Variants in JAG1 observed in about 807,000 individuals in gnomAD.
JAG1 encodes the protein protein jagged-1.
In JAG1, 23 loss-of-function variants were observed where a neutral mutation model predicts 148.7. That is an observed-to-expected ratio of 0.15 (90% CI 0.11 to 0.22). JAG1 has a LOEUF of 0.22. JAG1 is among the 10% of genes least tolerant of loss of function. The pLI is 1.00. For synonymous variants in JAG1, 572 were observed against 598.3 expected, an observed-to-expected ratio of 0.96 and a Z score of 0.64; for missense variants, 1,054 against 1,611.2, an observed-to-expected ratio of 0.65 and a Z score of 5.92.
At chr20:10,662,158 C>T (rs1322255930) in intron 3 of JAG1, 1 of 152,190 alleles carries the variant, frequency 6.6e-6, no homozygotes, top group Non-Finnish European at 1.5e-5. Context: ...GTTTTGATAA[C>T]CTGCAATGGG....
At position 10,673,963 on chromosome 20, in the gene JAG1, C is replaced by G. The variant is rs73611723; in HGVS notation, c.-433G>C. The G allele has an allele frequency of 6.6e-6, 1 of 152,112 alleles. No homozygotes were observed. The highest frequency in any genetic ancestry group is 2.4e-5 in the African/African-American group (1 of 41,396). 9.4% of individuals were successfully genotyped at this position (152,112 alleles called of 1,614,324 possible). A position where few individuals can be genotyped will look rare whatever the true frequency, so the allele number is the denominator to read the frequency against. ...CGCAGGTAACACAATGACGCGTGCCCGCCCGGCTCTCGGAGAAGGACCCGG... is the reference window on the plus strand; with the variant it reads ...CGCAGGTAACACAATGACGCGTGCCGGCCCGGCTCTCGGAGAAGGACCCGG... On this transcript the variant is annotated 5_prime_UTR_variant, in exon 1 of 26. Transcript: ENST00000254958. The surrounding 1 kb of genome is among the most constrained non-coding windows in gnomAD (Gnocchi z 4.7).
rs2122633554 is a variant in JAG1, at chr20:10,664,822, T to C, written c.388-808A>G. On this transcript the variant is annotated intron_variant, in intron 2 of 25. Transcript: ENST00000254958. ...CCCTGGATACTGGCAAGATGCCAGC[T>C]GTTAAACTGAAGGCACCTTTTATCT... 2.0e-5 allele frequency among the ~76,000 whole-genome samples: 3 copies of C among 152,366 alleles called. No homozygotes were observed. The Middle Eastern group carries it at 0.01, about 518-fold the overall frequency.
At chr20:10,650,554 C>G in intron 8 of JAG1, 194 bp from the exon 9 acceptor site, 1 of 582,038 alleles carries the variant, frequency 1.7e-6, no homozygotes, top group Non-Finnish European at 3.1e-6. Flanking sequence ...TCCCCCACTG[C>G]CCCAGTTCAT....
intron 3 of JAG1, chr20:10,662,105 A>G (rs957690228): frequency 2.6e-5 from 4 of 152,240 alleles, no homozygotes; most frequent in African/African-American, 9.6e-5. Context: ...TGGAGAAACC[A>G]TTTCCACCAA....
chr20:10,645,603 C>T lies in JAG1; in HGVS notation c.2000-134G>A, dbSNP rs762579356. On this transcript the variant is annotated intron_variant, in intron 15 of 25. Transcript: ENST00000254958. The surrounding 1 kb of genome is among the most constrained non-coding windows in gnomAD (Gnocchi z 6.1). ...CAGCCACAGTCGTAGTACTTTAACACAATCAGGCTTTTCCAGGAATAAAGG... is the reference window on the plus strand; with the variant it reads ...CAGCCACAGTCGTAGTACTTTAACATAATCAGGCTTTTCCAGGAATAAAGG... The T allele has an allele frequency of 6.8e-5, 52 of 770,058 alleles. No homozygotes were observed. The Admixed American group carries it at 1.0e-3, about 15-fold the overall frequency. 47.7% of individuals were successfully genotyped at this position (770,058 alleles called of 1,614,324 possible). A position where few individuals can be genotyped will look rare whatever the true frequency, so the allele number is the denominator to read the frequency against.
chr20:10,645,145 A>G lies in JAG1; in HGVS notation c.2225T>C (p.Ile742Thr). Residue 742 changes from isoleucine (I) to threonine (T), a missense_variant and splice_region_variant, in exon 17 of 26, where the codon ATA (isoleucine) becomes ACA (threonine). Physicochemically the swap from Ile to Thr is moderately conservative, Grantham distance 89 (BLOSUM62 -1). Coordinates refer to ENST00000254958, the MANE Select transcript of JAG1 (RefSeq NM_000214.3). The surrounding 1 kb of genome is among the most constrained non-coding windows in gnomAD (Gnocchi z 6.1). The stretch of plus-strand genomic sequence containing the variant: ...TCCCACGTGGGGCATAAAGTTACCT[A>G]TGTTACAGGTTGTTCCTTCCCAGCC... ...PGGWEGTTCN[I>T]ARNSSCLPNP... 1.2e-6 allele frequency: 2 copies of G among 1,611,978 alleles called. No homozygotes were observed. Among genetic ancestry groups the G allele is most frequent in the Non-Finnish European group, 1.7e-6 (2 of 1,177,990 alleles).
At chr20:10,659,406 T>C (rs1169893955) in intron 3 of JAG1, among the ~76,000 whole-genome samples, 2 of 152,238 alleles carry the variant, frequency 1.3e-5, no homozygotes, top group Admixed American at 6.5e-5. Flanking sequence ...TGAGAGACAG[T>C]AGCTCCCTAT....
chr20:10,665,502 T>C (rs1366991792), intron 2 of JAG1, among the ~76,000 whole-genome samples: 1 of 152,200 alleles, frequency 6.6e-6, no homozygotes, highest in African/African-American at 2.4e-5. Context: ...AAGTTATACC[T>C]TATTTACTGC....
intron 5 of JAG1, among the ~76,000 whole-genome samples, chr20:10,655,677 A>G (rs1301102319): frequency 1.3e-5 from 2 of 152,174 alleles, no homozygotes; most frequent in Non-Finnish European, 2.9e-5. Context: ...GAGGGAGAGC[A>G]AAGCATTAAG....
intron 14 of JAG1, among the ~76,000 whole-genome samples, chr20:10,646,522 G>T (rs891402225): frequency 3.9e-5 from 6 of 152,174 alleles, no homozygotes; most frequent in Non-Finnish European, 5.9e-5. Context: ...TTTCAACACT[G>T]CTGGGCATGG....
intron 18 of JAG1, 173 bp downstream of exon 18, chr20:10,644,690 C>A (rs902732602): frequency 6.0e-6 from 4 of 671,458 alleles, no homozygotes; most frequent in Non-Finnish European, 1.1e-5. Flanking sequence ...ATCTTATTGG[C>A]GACTTTCTCA....
chr20:10,660,848 C>T (rs1471109605), intron 3 of JAG1, among the ~76,000 whole-genome samples: 1 of 152,152 alleles, frequency 6.6e-6, no homozygotes, highest in East Asian at 1.9e-4. Flanking sequence ...CCATGCCTCC[C>T]TGCAATCCCC....
Position 10,644,936 on chromosome 20 carries a change from G to A in JAG1, c.2271C>T (p.Gly757=), listed in dbSNP as rs776382580. 2.5e-5 allele frequency: 41 copies of A among 1,614,002 alleles called. No individual in the cohort carries two copies. Among genetic ancestry groups the A allele is most frequent in the South Asian group, 1.1e-5 (1 of 91,090 alleles). The stretch of plus-strand genomic sequence containing the variant: ...AGGACTCGCCGTTGACCACACATGT[G>A]CCCCCATTATGGCAGGGGTTGGGCA... ...SCLPNPCHNG[G]TCVVNGESFT... The change falls in exon 18 of 26, where the codon GGC becomes GGT. Residue 757 remains glycine (G), a synonymous_variant. Coordinates refer to ENST00000254958, the MANE Select transcript of JAG1 (RefSeq NM_000214.3).
intron 11 of JAG1, 59 bp from the exon 12 acceptor site, chr20:10,648,781 A>G (rs765082219): frequency 5.3e-6 from 8 of 1,517,984 alleles, no homozygotes; most frequent in Non-Finnish European, 7.3e-6. Flanking sequence ...TTCCACAAAC[A>G]CAGGGCTTCA....
chr20:10,644,180 G>A (rs1272993388), intron 19 of JAG1, among the ~76,000 whole-genome samples, 177 bp downstream of exon 19: 1 of 151,902 alleles, frequency 6.6e-6, no homozygotes, highest in African/African-American at 2.4e-5. Flanking sequence ...CAGCAGGATC[G>A]CTTCACCTGG....
At chr20:10,656,694 A>G (rs951196830) in intron 4 of JAG1, among the ~76,000 whole-genome samples, 2 of 152,190 alleles carry the variant, frequency 1.3e-5, no homozygotes, top group Non-Finnish European at 2.9e-5. Flanking sequence ...CAAAATGCAG[A>G]CAAGTTGACG....
Position 10,644,296 on chromosome 20 carries a change from A to T in JAG1, c.2372+61T>A, listed in dbSNP as rs1189399801. 1.7e-5 allele frequency: 21 copies of T among 1,262,128 alleles called. No individual in the cohort carries two copies. The African/African-American group carries it at 2.7e-4, about 16-fold the overall frequency. The allele number at this position is 1,262,128 out of a possible 1,614,324, so 78.2% of individuals were successfully genotyped here. On this transcript the variant is annotated intron_variant, in intron 19 of 25. Transcript: ENST00000254958. ...GATTCTCACACACACACACACACAC[A>T]CACACACACACACACACACGATAGT...
In JAG1 at chr20:10,645,662, T is replaced by G; in HGVS notation, c.2000-193A>C. On this transcript the variant is annotated intron_variant, in intron 15 of 25. Transcript: ENST00000254958. The surrounding 1 kb of genome is among the most constrained non-coding windows in gnomAD (Gnocchi z 6.1). ...ACTGGGTTACTTTGAATGCCACAAG[T>G]TAGGCAAGATGTGGGGTGGGCCTCT... 1 of 647,494 alleles carries G rather than the reference T, an allele frequency of 1.5e-6. No homozygotes were observed. Among genetic ancestry groups the G allele is most frequent in the East Asian group, 2.7e-5 (1 of 36,798 alleles). 40.1% of individuals were successfully genotyped at this position (647,494 alleles called of 1,614,324 possible).
intron 18 of JAG1, 163 bp downstream of exon 18, chr20:10,644,700 A>C: frequency 1.4e-6 from 1 of 696,988 alleles, no homozygotes; most frequent in Non-Finnish European, 2.6e-6. Context: ...CGACTTTCTC[A>C]TGCCCAGGTC....
Sources: gnomAD v4.1 joint callset for allele counts (sites outside exome capture counted in the v4.1 genomes callset) on GRCh38, gnomAD v4.1.1 for gene constraint, Gnocchi (gnomAD v3.1) non-coding constraint, MANE v1.5 for transcripts, NCBI Gene and HGNC (gene_info 2026-07-23, HGNC 2026-07-21) for gene names.